CALN1: variants seen among roughly 807,000 people sequenced by gnomAD.
CALN1 encodes calneuron 1.
In CALN1, 17 loss-of-function variants were observed where a neutral mutation model predicts 30.6. The ratio of observed to expected loss-of-function variants is 0.56; its 90% CI spans 0.38 to 0.83. The LOEUF (loss-of-function observed/expected upper bound fraction) is 0.83, where lower values mean the gene tolerates loss of function less well. Ranked by LOEUF, CALN1 falls within the 40% of genes least tolerant of loss-of-function variation. CALN1 has a pLI of 0.00. For synonymous variants in CALN1, 156 were observed against 131.4 expected (o/e 1.19, Z -1.28); for missense variants, 291 against 354.9 (o/e 0.82, Z 1.45).
chr7:71,848,045 A>C (rs1191265133), intron 5 of CALN1, among the ~76,000 whole-genome samples: 1 of 152,202 alleles, frequency 6.6e-6, no homozygotes. Flanking sequence ...AAATACCCGC[A>C]ATAGTGTTAG....
intron 4 of CALN1, among the ~76,000 whole-genome samples, chr7:72,053,017 G>A (rs2129536240): frequency 6.6e-6 from 1 of 152,312 alleles, no homozygotes; most frequent in East Asian, 1.9e-4. Context: ...ATCACCTGAG[G>A]ACAGGAGTTC....
intron 5 of CALN1, among the ~76,000 whole-genome samples, chr7:71,823,694 G>T (rs1360150650): frequency 6.6e-6 from 1 of 151,128 alleles, no homozygotes; most frequent in Non-Finnish European, 1.5e-5. Context: ...CTCCAGCCTG[G>T]GCAACAGAGC....
chr7:71,926,913 C>T (rs1795299572), intron 5 of CALN1, among the ~76,000 whole-genome samples: 1 of 152,090 alleles, frequency 6.6e-6, no homozygotes, highest in African/African-American at 2.4e-5. Context: ...CCATAAGAGC[C>T]TTTAATATAT....
Position 72,400,758 on chromosome 7 carries a change from C to T in CALN1, c.119+2493G>A, listed in dbSNP as rs555113668. ...GTGGTGGCCACCTGTAATCCCAAAG[C>T]TGCACCTCTGGCCTTAGATTTCATG... On this transcript the variant is annotated intron_variant, in intron 2 of 6. Transcript: ENST00000395275. Among the ~76,000 whole-genome samples, 3 of 152,302 alleles carry T rather than the reference C, an allele frequency of 2.0e-5. No individual in the cohort carries two copies. In the East Asian group the frequency reaches 5.8e-4, roughly 29 times the overall value.
At chr7:72,219,728 A>G (rs547303207) in intron 3 of CALN1, among the ~76,000 whole-genome samples, 1 of 151,756 alleles carries the variant, frequency 6.6e-6, no homozygotes, top group African/African-American at 2.4e-5. Context: ...ACACATACAC[A>G]CAAGCATGCA....
chr7:71,805,230 A>G (rs1458533535), intron 6 of CALN1, among the ~76,000 whole-genome samples: 2 of 152,044 alleles, frequency 1.3e-5, no homozygotes, highest in Non-Finnish European at 2.9e-5. Context: ...CCACCTTCTG[A>G]TGGCAAAGAC....
chr7:72,024,229 C>T (rs1215844743), intron 4 of CALN1, among the ~76,000 whole-genome samples: 1 of 152,120 alleles, frequency 6.6e-6, no homozygotes, highest in East Asian at 1.9e-4. Context: ...TGGCTAGTTC[C>T]CTTTTCAACC....
chr7:72,325,663 T>C lies in CALN1; in HGVS notation c.120-46853A>G, dbSNP rs76847219. Reference sequence around the variant, plus strand: ...TCAAAAATAAATAAAATAAAAATAATGCAGGAACCAAGTCAGTTAGTTGCC... The same window carrying C: ...TCAAAAATAAATAAAATAAAAATAACGCAGGAACCAAGTCAGTTAGTTGCC... On this transcript the variant is annotated intron_variant, in intron 2 of 6. Transcript: ENST00000395275. Among the ~76,000 whole-genome samples, 453 of 152,190 alleles carry C rather than the reference T, an allele frequency of 3.0e-3. 2 individuals carry two copies. The highest frequency in any genetic ancestry group is 0.011 in the African/African-American group (444 of 41,538).
chr7:71,904,371 A>C (rs1794018029), intron 5 of CALN1, among the ~76,000 whole-genome samples: 1 of 152,244 alleles, frequency 6.6e-6, no homozygotes, highest in Non-Finnish European at 1.5e-5. Context: ...GCCATGAAAA[A>C]GAATAAAATC....
intron 5 of CALN1, among the ~76,000 whole-genome samples, chr7:71,832,753 A>G (rs547366259): frequency 4.0e-5 from 6 of 148,826 alleles, no homozygotes; most frequent in African/African-American, 1.5e-4. Context: ...GGCCTGCACT[A>G]TCACGCCAGG....
At chr7:72,448,854 C>T (rs975998854), upstream of CALN1, among the ~76,000 whole-genome samples, 27 of 152,312 alleles carry the variant, frequency 1.8e-4, no homozygotes, top group Non-Finnish European at 2.5e-4. Context: ...ATCTTCCCCC[C>T]TCGGCCTCCC....
chr7:72,258,230 A>G (rs1008887167), intron 3 of CALN1, among the ~76,000 whole-genome samples: 1 of 152,210 alleles, frequency 6.6e-6, no homozygotes, highest in Non-Finnish European at 1.5e-5. Flanking sequence ...ACCGGCAAGA[A>G]GTCAAGCTCC....
rs73364930 is a variant in CALN1 at position 72,378,959 on chromosome 7, A to G, written c.119+24292T>C. On this transcript the variant is annotated intron_variant, in intron 2 of 6. Transcript: ENST00000395275. ...TTTTTCCGCATCTAACAAGATGATC[A>G]TGTGGGTTTCCTTAGTCTGTTATGG... is the stretch of plus-strand genomic sequence containing the variant. Among the ~76,000 whole-genome samples, 949 of 152,320 alleles carry G rather than the reference A, an allele frequency of 6.2e-3. 10 individuals are homozygous for G. The highest frequency in any genetic ancestry group is 0.02 in the African/African-American group (849 of 41,570).
At chr7:72,009,003 CTAAG>C (rs1799929653) in intron 5 of CALN1, among the ~76,000 whole-genome samples, 1 of 152,050 alleles carries the variant, frequency 6.6e-6, no homozygotes, top group South Asian at 2.1e-4. Context: ...TGCTAATAAA[CTAAG>C]TAATTTTGAG....
In CALN1 at chr7:72,443,587, G is replaced by C. The variant is rs146330447; in HGVS notation, c.-226+3455C>G. Among the ~76,000 whole-genome samples the C allele has an allele frequency of 2.7e-3, 403 of 152,000 alleles. 4 individuals carry two copies. Among genetic ancestry groups the C allele is most frequent in the Non-Finnish European group, 4.4e-3 (299 of 67,986 alleles). On this transcript the variant is annotated intron_variant, in intron 1 of 6. Coordinates refer to the CALN1 transcript ENST00000395276. ...CTTCAGCCTAGGATGATATTTCATAGCCACCTCTGTTGGGACTCAGTTTGG... is the reference window on the plus strand; with the variant it reads ...CTTCAGCCTAGGATGATATTTCATACCCACCTCTGTTGGGACTCAGTTTGG...
intron 3 of CALN1, among the ~76,000 whole-genome samples, chr7:72,256,162 G>A (rs1178375097): frequency 3.3e-5 from 5 of 152,142 alleles, no homozygotes; most frequent in African/African-American, 4.8e-5. Context: ...ATTCCATCTC[G>A]AAGAATTCTT....
intron 1 of CALN1, among the ~76,000 whole-genome samples, chr7:72,424,770 T>A (rs1397261126): frequency 6.6e-6 from 1 of 152,076 alleles, no homozygotes; most frequent in African/African-American, 2.4e-5. Context: ...ATAATTTTTT[T>A]ATTTTTTGTA....
chr7:72,440,188 GGGT>G (rs1184872259), intron 1 of CALN1, among the ~76,000 whole-genome samples: 1 of 152,198 alleles, frequency 6.6e-6, no homozygotes, highest in Non-Finnish European at 1.5e-5. Flanking sequence ...AATGATCACG[GGGT>G]GGCACTGGGG....
At chr7:71,990,227 A>G (rs1420623779) in intron 5 of CALN1, among the ~76,000 whole-genome samples, 1 of 152,172 alleles carries the variant, frequency 6.6e-6, no homozygotes, top group Non-Finnish European at 1.5e-5. Flanking sequence ...TATAATAGAT[A>G]AGCATGCTAA....
Sources: allele counts gnomAD v4.1 joint callset (sites outside exome capture counted in the v4.1 genomes callset), GRCh38; gene constraint gnomAD v4.1.1; transcripts MANE v1.5; gene names NCBI Gene and HGNC (gene_info 2026-07-23, HGNC 2026-07-21).